DSCAML1: variants seen among roughly 807,000 people sequenced by gnomAD.
DSCAML1 encodes DS cell adhesion molecule like 1.
In DSCAML1, 38 loss-of-function variants were observed where a neutral mutation model predicts 200.5. The observed-to-expected ratio is 0.19, with a 90% confidence interval of 0.15 to 0.25. The LOEUF (loss-of-function observed/expected upper bound fraction) is 0.25. DSCAML1 is among the 10% of genes least tolerant of loss of function. The pLI is 1.00. For missense variants in DSCAML1, 2,223 were observed against 2,858.8 expected (o/e 0.78, Z 5.07); for synonymous variants, 1,215 against 1,165.0 (o/e 1.04, Z -0.87).
In DSCAML1 at chr11:117,780,493, C is replaced by G; in HGVS notation, c.364G>C (p.Val122Leu). Residue 122 changes from valine (V) to leucine (L), a missense_variant and splice_region_variant, in exon 2 of 33, where the codon GTT becomes CTT. By Grantham distance (32) the Val-to-Leu change is conservative (BLOSUM62 1). Coordinates refer to ENST00000651296, the MANE Select transcript of DSCAML1 (RefSeq NM_020693.4). The surrounding 1 kb of genome is among the most constrained non-coding windows in gnomAD (Gnocchi z 4.8). ...IRSPNIRVKA[V>L]FREPYTVRVE... ...GGGCAGCCAGTGTCTTGTCCCTTAC[C>G]TGCTTTGACGCGGATGTTGGGGCTC... The G allele has an allele frequency of 6.9e-7, 1 of 1,445,022 alleles. No individual in the cohort carries two copies. The highest frequency in any genetic ancestry group is 9.1e-7 in the Non-Finnish European group (1 of 1,094,060). 89.5% of individuals were successfully genotyped at this position (1,445,022 alleles called of 1,614,324 possible).
intron 3 of DSCAML1, among the ~76,000 whole-genome samples, chr11:117,672,217 A>G (rs985362935): frequency 6.6e-6 from 1 of 151,886 alleles, no homozygotes; most frequent in Non-Finnish European, 1.5e-5. Flanking sequence ...TGGAGCCAGC[A>G]GGTTACTGTG....
At chr11:117,676,371 C>G (rs1274003927) in intron 3 of DSCAML1, among the ~76,000 whole-genome samples, 1 of 152,158 alleles carries the variant, frequency 6.6e-6, no homozygotes, top group Non-Finnish European at 1.5e-5. Flanking sequence ...TTCTGCCATT[C>G]AACATCTCAA....
chr11:117,555,169 C>T (rs1441641745), intron 3 of DSCAML1, among the ~76,000 whole-genome samples: 1 of 152,218 alleles, frequency 6.6e-6, no homozygotes, highest in African/African-American at 2.4e-5. Context: ...CATGTCTGGG[C>T]TCCCGTAGCA....
At chr11:117,699,438 G>A (rs1055037247) in intron 3 of DSCAML1, among the ~76,000 whole-genome samples, 6 of 152,204 alleles carry the variant, frequency 3.9e-5, no homozygotes, top group Non-Finnish European at 8.8e-5. Context: ...CAGAGGGGTT[G>A]GTGTTGCAAG....
intron 3 of DSCAML1, among the ~76,000 whole-genome samples, chr11:117,650,758 C>G (rs569460111): frequency 1.3e-5 from 2 of 150,708 alleles, no homozygotes; most frequent in African/African-American, 4.9e-5. Flanking sequence ...TAGGATGATT[C>G]AGATGGTCAG....
chr11:117,464,982 C>T lies in DSCAML1; in HGVS notation c.3225G>A (p.Gly1075=). The change falls in exon 17 of 33, where the codon GGG becomes GGA. Residue 1075 remains glycine, a synonymous_variant. Transcript: ENST00000651296. The stretch of plus-strand genomic sequence containing the variant: ...TGGCATTGATCTCGCTGGAAGAGGG[C>T]CCCGTGCCAGCCCGATTGAAGGCTT... The part of the protein sequence containing the change: ...VVQAFNRAGT[G]PSSSEINATT... 4 of 1,614,092 alleles carry T rather than the reference C, an allele frequency of 2.5e-6. No individual in the cohort carries two copies. Among genetic ancestry groups the T allele is most frequent in the Non-Finnish European group, 3.4e-6 (4 of 1,179,978 alleles).
chr11:117,662,045 C>T (rs192633937), intron 3 of DSCAML1, among the ~76,000 whole-genome samples: 14 of 152,330 alleles, frequency 9.2e-5, no homozygotes, highest in Admixed American at 3.3e-4. Context: ...TTGCCTTTCT[C>T]AGAAGTGCTT....
At chr11:117,712,061 T>C (rs896574428) in intron 3 of DSCAML1, among the ~76,000 whole-genome samples, 2 of 152,234 alleles carry the variant, frequency 1.3e-5, no homozygotes, top group African/African-American at 4.8e-5. Context: ...AAATCTACCA[T>C]GGCATTATGA....
intron 3 of DSCAML1, among the ~76,000 whole-genome samples, chr11:117,750,138 A>T (rs970027522): frequency 2.0e-5 from 3 of 152,188 alleles, no homozygotes; most frequent in Non-Finnish European, 4.4e-5. Flanking sequence ...GTAAAGGGGC[A>T]TCTGGCTGGA....
intron 3 of DSCAML1, among the ~76,000 whole-genome samples, chr11:117,709,540 G>A (rs991272311): frequency 1.3e-5 from 2 of 152,100 alleles, no homozygotes; most frequent in Non-Finnish European, 2.9e-5. Context: ...TGCGGGGGTT[G>A]GGGGGAGTGC....
At chr11:117,807,760 G>T (rs2055719579) in intron 1 of DSCAML1, among the ~76,000 whole-genome samples, 2 of 152,192 alleles carry the variant, frequency 1.3e-5, no homozygotes, top group Non-Finnish European at 1.5e-5. Context: ...AGCTGGACTT[G>T]GAAGAAGTGG....
chr11:117,813,509 C>T (rs192793667), intron 1 of DSCAML1, among the ~76,000 whole-genome samples: 1 of 152,326 alleles, frequency 6.6e-6, no homozygotes, highest in African/African-American at 2.4e-5. Context: ...ATAATCTTTG[C>T]TGGCAGGACT....
chr11:117,492,125 C>T (rs1565736464), intron 11 of DSCAML1, among the ~76,000 whole-genome samples: 1 of 151,948 alleles, frequency 6.6e-6, no homozygotes, highest in African/African-American at 2.4e-5. Flanking sequence ...CCCATCCCTA[C>T]CCCGAGGTAA....
chr11:117,467,821 G>C (rs530492921), intron 16 of DSCAML1, among the ~76,000 whole-genome samples: 34 of 152,202 alleles, frequency 2.2e-4, no homozygotes, highest in Non-Finnish European at 4.1e-4. Flanking sequence ...AAGAGCCTGA[G>C]ACCTTCCTCT....
rs11216430 is a variant in DSCAML1 at position 117,505,396 on chromosome 11, A to C, written c.2062+58T>G. ...TTGGAACTGGAAATCTAGAGACTGCAGTAGCAGCAGGCAGAATGGGCTCCT... is the reference window on the plus strand; with the variant it reads ...TTGGAACTGGAAATCTAGAGACTGCCGTAGCAGCAGGCAGAATGGGCTCCT... On this transcript the variant is annotated intron_variant, in intron 9 of 32. Coordinates refer to ENST00000651296, the MANE Select transcript of DSCAML1 (RefSeq NM_020693.4). The surrounding 1 kb of genome is among the most constrained non-coding windows in gnomAD (Gnocchi z 6.7). 0.072 allele frequency: 113,751 copies of C among 1,577,038 alleles called. 6,499 individuals are homozygous for C. Among genetic ancestry groups the C allele is most frequent in the African/African-American group, 0.28 (20,968 of 74,418 alleles).
intron 3 of DSCAML1, among the ~76,000 whole-genome samples, chr11:117,707,966 G>T (rs1202893706): frequency 6.6e-6 from 1 of 152,184 alleles, no homozygotes; most frequent in Non-Finnish European, 1.5e-5. Context: ...GCAGAGACTG[G>T]ATGCCCATTC....
intron 14 of DSCAML1, among the ~76,000 whole-genome samples, chr11:117,478,390 T>C (rs1271641757): frequency 6.6e-6 from 1 of 152,186 alleles, no homozygotes; most frequent in Non-Finnish European, 1.5e-5. Flanking sequence ...CTGGGTGGCC[T>C]GTGCCCAACC....
chr11:117,808,795 A>C (rs1213084289), intron 1 of DSCAML1, among the ~76,000 whole-genome samples: 1 of 152,198 alleles, frequency 6.6e-6, no homozygotes, highest in African/African-American at 2.4e-5. Context: ...GCCCAGCAGA[A>C]GCCTTGGTGA....
At chr11:117,772,040 G>A (rs1591493433) in intron 3 of DSCAML1, among the ~76,000 whole-genome samples, 1 of 152,160 alleles carries the variant, frequency 6.6e-6, no homozygotes, top group Non-Finnish European at 1.5e-5. Flanking sequence ...TGAAACCAGG[G>A]TAGTACTGTC....
Sources: gnomAD v4.1 joint callset for allele counts (sites outside exome capture counted in the v4.1 genomes callset) on GRCh38, gnomAD v4.1.1 for gene constraint, Gnocchi (gnomAD v3.1) non-coding constraint, MANE v1.5 for transcripts, NCBI Gene and HGNC (gene_info 2026-07-23, HGNC 2026-07-21) for gene names.